CAMKMT: variants seen among roughly 807,000 people sequenced by gnomAD.
CAMKMT encodes calmodulin-lysine N-methyltransferase.
CAMKMT carries 53 observed loss-of-function variants against 48.0 expected under a neutral mutation model. The observed-to-expected ratio is 1.10, with a 90% CI of 0.89 to 1.39. The LOEUF is 1.39. Ranked by LOEUF, CAMKMT falls within the 40% of genes most tolerant of loss-of-function variation. The pLI is 0.00. For missense variants in CAMKMT, 428 were observed against 402.7 expected, an observed-to-expected ratio of 1.06 and a Z score of -0.54; for synonymous variants, 165 against 152.3, an observed-to-expected ratio of 1.08 and a Z score of -0.61.
At chr2:44,732,749 T>G (rs1199865348) in intron 7 of CAMKMT, among the ~76,000 whole-genome samples, 1 of 152,192 alleles carries the variant, frequency 6.6e-6, no homozygotes, top group African/African-American at 2.4e-5. Flanking sequence ...GCTTTGCTCA[T>G]TTTTTAAAAA....
chr2:44,516,506 C>G (rs991234070), intron 3 of CAMKMT, among the ~76,000 whole-genome samples: 1 of 151,958 alleles, frequency 6.6e-6, no homozygotes, highest in African/African-American at 2.4e-5. Flanking sequence ...TTGTCCCTCT[C>G]TAAATATATT....
chr2:44,654,452 G>T (rs1225794961), intron 3 of CAMKMT, among the ~76,000 whole-genome samples: 2 of 152,134 alleles, frequency 1.3e-5, no homozygotes, highest in East Asian at 3.9e-4. Context: ...TTAACAATTA[G>T]TTGTATGCCC....
intron 8 of CAMKMT, among the ~76,000 whole-genome samples, chr2:44,752,460 C>T (rs1680194165): frequency 6.6e-6 from 1 of 152,150 alleles, no homozygotes; most frequent in African/African-American, 2.4e-5. Context: ...GGACAACTCT[C>T]CTGGTGTTTG....
chr2:44,591,640 T>G (rs1030566445), intron 3 of CAMKMT, among the ~76,000 whole-genome samples: 41 of 152,086 alleles, frequency 2.7e-4, no homozygotes, highest in African/African-American at 8.9e-4. Context: ...TCAACCATTG[T>G]GGAAGTCAGT....
chr2:44,674,127 G>A lies in CAMKMT; in HGVS notation c.377-30156G>A, dbSNP rs151051202. Among the ~76,000 whole-genome samples the A allele has an allele frequency of 2.4e-4, 37 of 152,270 alleles. 1 individual carries two copies. The highest frequency in any genetic ancestry group is 7.5e-4 in the African/African-American group (31 of 41,562). On this transcript the variant is annotated intron_variant, in intron 3 of 10. Transcript: ENST00000378494. ...TCTGACAGGTCTCACTAAATTTGAC[G>A]TTCCTGTCCTGGATTTATCAGGATA...
At chr2:44,628,381 A>G (rs1039925773) in intron 3 of CAMKMT, among the ~76,000 whole-genome samples, 2 of 151,852 alleles carry the variant, frequency 1.3e-5, no homozygotes, top group African/African-American at 2.4e-5. Flanking sequence ...TCTGTTTTCT[A>G]TATCTTTTCT....
intron 3 of CAMKMT, among the ~76,000 whole-genome samples, chr2:44,534,236 A>G (rs946200362): frequency 3.9e-5 from 6 of 152,142 alleles, no homozygotes; most frequent in African/African-American, 1.4e-4. Context: ...ATATTACTAG[A>G]CCTAAATAAA....
chr2:44,663,901 T>C (rs1048395415), intron 3 of CAMKMT, among the ~76,000 whole-genome samples: 3 of 151,764 alleles, frequency 2.0e-5, no homozygotes, highest in African/African-American at 7.3e-5. Context: ...GGAAGATAAA[T>C]AAGATAAATA....
At chr2:44,768,668 C>T (rs1680967160) in intron 10 of CAMKMT, among the ~76,000 whole-genome samples, 1 of 152,176 alleles carries the variant, frequency 6.6e-6, no homozygotes, top group Non-Finnish European at 1.5e-5. Context: ...GCCCTGCCCG[C>T]CCGCCCGGGG....
At chr2:44,442,496 C>G (rs150114843) in intron 3 of CAMKMT, among the ~76,000 whole-genome samples, 2 of 152,258 alleles carry the variant, frequency 1.3e-5, no homozygotes, top group Admixed American at 6.5e-5. Context: ...CCTATGGTTT[C>G]TAGGCACTAA....
chr2:44,662,376 A>T (rs1221134989), intron 3 of CAMKMT, among the ~76,000 whole-genome samples: 1 of 152,176 alleles, frequency 6.6e-6, no homozygotes, highest in African/African-American at 2.4e-5. Flanking sequence ...TCTGCTAATG[A>T]AGCTGAAGAT....
chr2:44,478,001 T>C (rs1668775675), intron 3 of CAMKMT, among the ~76,000 whole-genome samples: 1 of 152,216 alleles, frequency 6.6e-6, no homozygotes, highest in African/African-American at 2.4e-5. Flanking sequence ...ACAATTTGTT[T>C]CAGTGGCCCT....
chr2:44,426,018 A>T (rs1684257865), intron 3 of CAMKMT, among the ~76,000 whole-genome samples: 1 of 152,252 alleles, frequency 6.6e-6, no homozygotes, highest in Non-Finnish European at 1.5e-5. Flanking sequence ...GGCGTGAGCC[A>T]CTGTGCCCAG....
intron 3 of CAMKMT, among the ~76,000 whole-genome samples, chr2:44,497,480 G>C (rs1308774137): frequency 6.6e-6 from 1 of 151,932 alleles, no homozygotes. Flanking sequence ...AGGGATAACA[G>C]ATAAGAGAGA....
rs186167516 is a variant in CAMKMT, at chr2:44,384,694, C to T, written c.312-5547C>T. Among the ~76,000 whole-genome samples the T allele has an allele frequency of 5.0e-3, 758 of 152,152 alleles. 4 individuals carry two copies. The Middle Eastern group carries it at 0.058, about 12-fold the overall frequency. ...TATGAGTATCCAGTTTCATTCTCTG[C>T]ATATAGCTAGCCAATTATTCCAGCA... On this transcript the variant is annotated intron_variant, in intron 2 of 10. Transcript: ENST00000378494.
chr2:44,727,415 C>T (rs1371860550), intron 7 of CAMKMT, among the ~76,000 whole-genome samples: 1 of 152,154 alleles, frequency 6.6e-6, no homozygotes, highest in East Asian at 1.9e-4. Flanking sequence ...ATTTCACTCT[C>T]AGCCTGGACA....
At chr2:44,425,958 T>C (rs777098407) in intron 3 of CAMKMT, among the ~76,000 whole-genome samples, 2 of 152,188 alleles carry the variant, frequency 1.3e-5, no homozygotes, top group Admixed American at 6.5e-5. Flanking sequence ...CTCGAACTCC[T>C]GACCTCAGGT....
At chr2:44,407,814 G>T (rs1180583162) in intron 3 of CAMKMT, among the ~76,000 whole-genome samples, 1 of 152,054 alleles carries the variant, frequency 6.6e-6, no homozygotes, top group East Asian at 1.9e-4. Context: ...TCTTAAATCA[G>T]TTATTCTATA....
chr2:44,413,727 A>C (rs1039553950), intron 3 of CAMKMT, among the ~76,000 whole-genome samples: 4 of 152,156 alleles, frequency 2.6e-5, no homozygotes, highest in Admixed American at 1.3e-4. Context: ...TTGAATTGAA[A>C]ATTATTTTTC....
Sources: gnomAD v4.1 joint callset for allele counts (sites outside exome capture counted in the v4.1 genomes callset) on GRCh38, gnomAD v4.1.1 for gene constraint, MANE v1.5 for transcripts, NCBI Gene and HGNC (gene_info 2026-07-23, HGNC 2026-07-21) for gene names.